The following VSIG1 variants were observed in gnomAD, a reference collection of about 807,000 sequenced individuals.
VSIG1 encodes the protein V-set and immunoglobulin domain containing 1.
In VSIG1, 11 loss-of-function variants were observed where a neutral mutation model predicts 20.1. The ratio of observed to expected loss-of-function variants is 0.55; its 90% CI spans 0.34 to 0.91. VSIG1 has a LOEUF of 0.91. Ranked by LOEUF, VSIG1 falls within the 40% of genes least tolerant of loss-of-function variation. The pLI is 0.02. For synonymous variants in VSIG1, 126 were observed against 116.7 expected, an observed-to-expected ratio of 1.08 and a Z score of -0.52; for missense variants, 283 against 298.8, an observed-to-expected ratio of 0.95 and a Z score of 0.39.
chrX:108,029,611 A>T, the VSIG1 span, among the ~76,000 whole-genome samples: 2 of 112,112 alleles, frequency 1.8e-5, no homozygotes, highest in South Asian at 7.5e-4. Context: ...ATTCCTAAAA[A>T]TGCTTTCTAT....
chrX:108,023,544 A>C, the VSIG1 span, among the ~76,000 whole-genome samples: 15 of 111,991 alleles, frequency 1.3e-4, no homozygotes, highest in African/African-American at 4.9e-4. Flanking sequence ...TTATTTGTTA[A>C]ACCATCAGCA....
At chrX:108,049,712 G>A (rs780951065) in intron 1 of VSIG1, among the ~76,000 whole-genome samples, 1 of 111,861 alleles carries the variant, frequency 8.9e-6, no homozygotes, top group South Asian at 3.8e-4. Context: ...ATAAGTCTGG[G>A]AACTTTAAGG....
intron 1 of VSIG1, among the ~76,000 whole-genome samples, chrX:108,056,515 G>C (rs2030901864): frequency 8.9e-6 from 1 of 111,979 alleles, no homozygotes; most frequent in Non-Finnish European, 1.9e-5. Flanking sequence ...AGATTATATA[G>C]AGAACTCTCA....
At chrX:108,036,280 G>A in the VSIG1 span, among the ~76,000 whole-genome samples, 6 of 108,681 alleles carry the variant, frequency 5.5e-5, no homozygotes, top group East Asian at 1.4e-3. Context: ...TGACTTTTTT[G>A]TGGCTCTGGT....
chrX:108,025,298 G>C, the VSIG1 span, among the ~76,000 whole-genome samples: 5 of 111,602 alleles, frequency 4.5e-5, no homozygotes, highest in South Asian at 1.1e-3. Flanking sequence ...ATTTTAAGTC[G>C]AGCATTAAGA....
At chrX:108,056,554 C>G (rs1031873355) in intron 1 of VSIG1, among the ~76,000 whole-genome samples, 2 of 112,339 alleles carry the variant, frequency 1.8e-5, no homozygotes, top group African/African-American at 6.5e-5. Context: ...ACTAAACAAT[C>G]CAATTAGAAA....
chrX:108,020,259 A>G, the VSIG1 span, among the ~76,000 whole-genome samples: 38,561 of 109,508 alleles, frequency 0.35, 5,371 homozygotes, highest in Non-Finnish European at 0.42. Context: ...GAGCTCACTG[A>G]TTCTTTCCTC....
At chrX:108,060,921 G>A (rs1602574764) in intron 2 of VSIG1, among the ~76,000 whole-genome samples, 2 of 111,971 alleles carry the variant, frequency 1.8e-5, no homozygotes, top group African/African-American at 6.5e-5. Flanking sequence ...TGATCTAGAG[G>A]GACTGACTCA....
the VSIG1 span, among the ~76,000 whole-genome samples, chrX:108,038,073 C>T: frequency 1.8e-5 from 2 of 111,341 alleles, no homozygotes; most frequent in South Asian, 3.8e-4. Context: ...GTATAAATGC[C>T]TTTTTTCATC....
At chrX:108,047,440 TAGAA>T (rs2030606091) in intron 1 of VSIG1, among the ~76,000 whole-genome samples, 1 of 111,147 alleles carries the variant, frequency 9.0e-6, no homozygotes, top group East Asian at 2.8e-4. Context: ...AGTCACCTCT[TAGAA>T]AGATATGTTA....
rs780924921 is a variant in VSIG1 at position 108,073,348 on chromosome X, G to A, written c.667G>A (p.Glu223Lys). The change falls in exon 5 of 7, where the codon GAA (glutamate) becomes AAA (lysine). Residue 223 changes from glutamate (E) to lysine (K), a missense_variant. Glu to Lys is a moderately conservative substitution (Grantham distance 56, BLOSUM62 1). Coordinates refer to ENST00000217957, the MANE Select transcript of VSIG1 (RefSeq NM_182607.5). ...AINRLGNSSCEIDLTSSHPEV... is the reference protein window; with the variant it reads ...AINRLGNSSCKIDLTSSHPEV... ...CAACAGACTTGGCAATAGTTCCTGC[G>A]AAATCGATCTCACTTCTTCACGTGA... is the stretch of plus-strand genomic sequence containing the variant. 3 of 1,210,628 alleles carry A rather than the reference G, an allele frequency of 2.5e-6. No homozygotes were observed. The highest frequency in any genetic ancestry group is 3.5e-5 in the South Asian group (2 of 56,619).
chrX:108,037,412 CT>C, the VSIG1 span, among the ~76,000 whole-genome samples: 1 of 111,665 alleles, frequency 9.0e-6, no homozygotes. Flanking sequence ...ATTGGACTGC[CT>C]TTTAGAAACC....
At chrX:108,019,985 A>C in the VSIG1 span, among the ~76,000 whole-genome samples, 55,253 of 109,870 alleles carry the variant, frequency 0.5, 11,027 homozygotes, top group African/African-American at 0.7. Flanking sequence ...TAGGAGGCCA[A>C]CTTGCTTCCT....
intron 2 of VSIG1, 62 bp downstream of exon 2, chrX:108,058,263 A>G (rs1327102606): frequency 9.4e-7 from 1 of 1,067,572 alleles, no homozygotes; most frequent in Non-Finnish European, 1.3e-6. Context: ...CTGTTGGGGT[A>G]GAAAAAATGT....
At chrX:108,026,546 C>T in the VSIG1 span, among the ~76,000 whole-genome samples, 5,211 of 111,016 alleles carry the variant, frequency 0.047, 326 homozygotes, top group African/African-American at 0.16. Flanking sequence ...ATAAACCAAA[C>T]CAAAGGCATA....
intron 5 of VSIG1, 71 bp downstream of exon 5, chrX:108,073,440 T>C: frequency 8.8e-7 from 1 of 1,137,001 alleles, no homozygotes; most frequent in Non-Finnish European, 1.2e-6. Context: ...ACAAATAAAT[T>C]AGTTAGGATC....
Position 108,076,072 on chromosome X carries a change from T to C in VSIG1, c.689-5T>C, listed in dbSNP as rs1452226133. Reference sequence around the variant, plus strand: ...CTTTATTAACCAGCTGCTTGTATCCTTCAGATCCAGAAGTTGGAATCATTG... The same window carrying C: ...CTTTATTAACCAGCTGCTTGTATCCCTCAGATCCAGAAGTTGGAATCATTG... On this transcript the variant is annotated splice_region_variant and splice_polypyrimidine_tract_variant and intron_variant, in intron 5 of 6. Coordinates refer to ENST00000217957, the MANE Select transcript of VSIG1 (RefSeq NM_182607.5). 3.3e-6 allele frequency: 4 copies of C among 1,210,784 alleles called. No homozygotes were observed. The highest frequency in any genetic ancestry group is 4.4e-5 in the Admixed American group (2 of 45,815).
the VSIG1 span, among the ~76,000 whole-genome samples, chrX:108,032,674 A>G: frequency 9.0e-6 from 1 of 111,436 alleles, no homozygotes; most frequent in Non-Finnish European, 1.9e-5. Context: ...GAGCATACCA[A>G]ATGGAAGGAA....
intron 1 of VSIG1, among the ~76,000 whole-genome samples, chrX:108,054,976 A>C (rs1204654424): frequency 9.2e-6 from 1 of 108,652 alleles, no homozygotes; most frequent in Non-Finnish European, 1.9e-5. Flanking sequence ...GAAATCAATG[A>C]ATTTGAAATA....
Sources: allele counts gnomAD v4.1 joint callset (sites outside exome capture counted in the v4.1 genomes callset), GRCh38; gene constraint gnomAD v4.1.1; transcripts MANE v1.5; gene names NCBI Gene and HGNC (gene_info 2026-07-23, HGNC 2026-07-21).